The following PLD5 variants were observed in gnomAD, a reference collection of about 807,000 sequenced individuals.
PLD5 encodes the protein phospholipase D family member 5.
PLD5 carries 36 observed loss-of-function variants against 61.1 expected under a neutral mutation model. That is an observed-to-expected ratio of 0.59 (90% CI 0.45 to 0.78). The LOEUF is 0.78. PLD5 is among the 30% of genes least tolerant of loss of function. The pLI is 0.00. For synonymous variants in PLD5, 243 were observed against 242.8 expected (o/e 1.00, Z -0.01); for missense variants, 515 against 644.4 (o/e 0.80, Z 2.17).
intron 1 of PLD5, among the ~76,000 whole-genome samples, chr1:242,413,596 G>A (rs1572099726): frequency 6.6e-6 from 1 of 152,332 alleles, no homozygotes; most frequent in African/African-American, 2.4e-5. Flanking sequence ...GTCAAGTGAA[G>A]GATAAATGCA....
At chr1:242,169,369 C>A (rs576831260) in intron 5 of PLD5, among the ~76,000 whole-genome samples, 5 of 152,188 alleles carry the variant, frequency 3.3e-5, no homozygotes, top group African/African-American at 1.2e-4. Context: ...CCAAGGGAAG[C>A]CATGAGGGAC....
chr1:242,207,633 T>C (rs1347165259), intron 5 of PLD5, among the ~76,000 whole-genome samples: 1 of 150,546 alleles, frequency 6.6e-6, no homozygotes, highest in Non-Finnish European at 1.5e-5. Flanking sequence ...CATAACTTAT[T>C]TGAGATTCAT....
chr1:242,273,299 G>A (rs1463230141), intron 3 of PLD5, among the ~76,000 whole-genome samples: 1 of 151,922 alleles, frequency 6.6e-6, no homozygotes, highest in African/African-American at 2.4e-5. Flanking sequence ...GTGTATATGT[G>A]CCATATTTTC....
chr1:242,492,643 T>C (rs1339841671), intron 1 of PLD5, among the ~76,000 whole-genome samples: 3 of 152,162 alleles, frequency 2.0e-5, no homozygotes, highest in Non-Finnish European at 4.4e-5. Flanking sequence ...GTTTACTATG[T>C]GTCTTAGTCC....
intron 1 of PLD5, among the ~76,000 whole-genome samples, chr1:242,456,778 C>A (rs1666956346): frequency 6.6e-6 from 1 of 152,180 alleles, no homozygotes; most frequent in African/African-American, 2.4e-5. Flanking sequence ...CCCTGTGAGA[C>A]TGCATTTCCA....
intron 4 of PLD5, among the ~76,000 whole-genome samples, chr1:242,249,475 G>A (rs113910681): frequency 0.01 from 1,587 of 152,236 alleles, 26 homozygotes; most frequent in African/African-American, 0.037. Context: ...CAAAATGGAC[G>A]AAAACACCTT....
rs1340006667 is a variant in PLD5, at chr1:242,100,707, G to A, written c.1315C>T (p.Arg439Cys). ...CCATCTGTCACCATGTACTTGTTGC[G>A]ATTTAACCTAGGAAAGGTGTGATTC... ...QKNHTFPRLNRNKYMVTDGAA... is the reference protein window; with the variant it reads ...QKNHTFPRLNCNKYMVTDGAA... The change falls in exon 9 of 10, where the codon CGC becomes TGC. Residue 439 changes from arginine (R) to cysteine (C), a missense_variant. Arg to Cys is a radical substitution (Grantham distance 180). Transcript: ENST00000536534. 6.2e-6 allele frequency: 10 copies of A among 1,613,668 alleles called. No homozygotes were observed. Among genetic ancestry groups the A allele is most frequent in the East Asian group, 2.2e-5 (1 of 44,862 alleles).
chr1:242,095,899 AAAT>A (rs1660184119), intron 9 of PLD5, among the ~76,000 whole-genome samples: 1 of 152,198 alleles, frequency 6.6e-6, no homozygotes, highest in Non-Finnish European at 1.5e-5. Flanking sequence ...AGAAAAATCA[AAAT>A]AATCACGTTT....
intron 7 of PLD5, among the ~76,000 whole-genome samples, chr1:242,109,182 T>G (rs572235124): frequency 1.3e-5 from 2 of 152,284 alleles, no homozygotes; most frequent in African/African-American, 4.8e-5. Context: ...TGCTACTTCT[T>G]GAATTAAAAC....
intron 3 of PLD5, among the ~76,000 whole-genome samples, chr1:242,288,126 G>A (rs56040601): frequency 0.35 from 52,499 of 152,140 alleles, 10,637 homozygotes; most frequent in Non-Finnish European, 0.46. Flanking sequence ...ATAAAGAGCC[G>A]ACTGTAGGCA....
At chr1:242,139,994 G>A (rs1258353768) in intron 5 of PLD5, among the ~76,000 whole-genome samples, 1 of 152,198 alleles carries the variant, frequency 6.6e-6, no homozygotes, top group Non-Finnish European at 1.5e-5. Context: ...AGTGGAAGCT[G>A]ATGACTCCTG....
chr1:242,110,253 G>C (rs1277286037), intron 7 of PLD5, among the ~76,000 whole-genome samples: 2 of 151,920 alleles, frequency 1.3e-5, no homozygotes, highest in Non-Finnish European at 2.9e-5. Flanking sequence ...ACAAATGTCA[G>C]GGCCAAGGGG....
chr1:242,234,648 T>C (rs1444707592), intron 4 of PLD5, among the ~76,000 whole-genome samples: 7 of 152,040 alleles, frequency 4.6e-5, no homozygotes, highest in Middle Eastern at 3.4e-3. Context: ...GGGAATTTAT[T>C]GACCCACTTC....
intron 8 of PLD5, among the ~76,000 whole-genome samples, chr1:242,102,905 G>C (rs1372458258): frequency 6.6e-6 from 1 of 152,164 alleles, no homozygotes; most frequent in Non-Finnish European, 1.5e-5. Context: ...AGCTGATTAA[G>C]TACTGTAAAG....
chr1:242,308,810 C>G (rs1239537107), intron 2 of PLD5, among the ~76,000 whole-genome samples: 2 of 152,144 alleles, frequency 1.3e-5, no homozygotes, highest in South Asian at 4.1e-4. Context: ...AGCCTAATCA[C>G]TCAAGTGTGG....
At chr1:242,475,346 C>G (rs1475501294) in intron 1 of PLD5, among the ~76,000 whole-genome samples, 1 of 148,184 alleles carries the variant, frequency 6.7e-6, no homozygotes, top group Non-Finnish European at 1.5e-5. Context: ...TGGCGTGAAC[C>G]CGGGAAGCGG....
chr1:242,161,531 A>C (rs1435362685), intron 5 of PLD5, among the ~76,000 whole-genome samples: 1 of 152,142 alleles, frequency 6.6e-6, no homozygotes, highest in Non-Finnish European at 1.5e-5. Context: ...AGTTTCCTAT[A>C]TTATAAAAAT....
chr1:242,155,052 C>A (rs1437776411), intron 5 of PLD5, among the ~76,000 whole-genome samples: 1 of 152,142 alleles, frequency 6.6e-6, no homozygotes, highest in African/African-American at 2.4e-5. Flanking sequence ...AGGGATTTGG[C>A]TTCTTCCTAG....
At chr1:242,240,387 G>T (rs181943221) in intron 4 of PLD5, among the ~76,000 whole-genome samples, 71 of 152,290 alleles carry the variant, frequency 4.7e-4, no homozygotes, top group African/African-American at 1.6e-3. Flanking sequence ...ATGATTTATA[G>T]TATTTAGTTC....
Sources: allele counts gnomAD v4.1 joint callset (sites outside exome capture counted in the v4.1 genomes callset), GRCh38; gene constraint gnomAD v4.1.1; transcripts MANE v1.5; gene names NCBI Gene and HGNC (gene_info 2026-07-23, HGNC 2026-07-21).